Variants in PTPRD observed in about 807,000 individuals in gnomAD.
PTPRD encodes protein tyrosine phosphatase receptor type D.
PTPRD carries 34 observed loss-of-function variants against 214.5 expected under a neutral mutation model. The ratio of observed to expected loss-of-function variants is 0.16; its 90% CI spans 0.12 to 0.21. The LOEUF (loss-of-function observed/expected upper bound fraction) is 0.21, where lower values mean the gene tolerates loss of function less well. PTPRD is among the 10% of genes least tolerant of loss of function. The pLI is 1.00. For synonymous variants in PTPRD, 1,128 were observed against 845.7 expected, an observed-to-expected ratio of 1.33 and a Z score of -5.79; for missense variants, 2,545 against 2,398.7, an observed-to-expected ratio of 1.06 and a Z score of -1.27.
At chr9:8,584,591 C>G (rs960151755) in intron 14 of PTPRD, among the ~76,000 whole-genome samples, 1 of 152,296 alleles carries the variant, frequency 6.6e-6, no homozygotes, top group Non-Finnish European at 1.5e-5. Context: ...TTCATGCACT[C>G]ATGCTTTCAT....
intron 2 of PTPRD, among the ~76,000 whole-genome samples, chr9:10,572,663 GAAAT>G (rs1324295656): frequency 2.6e-5 from 4 of 152,080 alleles, no homozygotes; most frequent in African/African-American, 9.7e-5. Flanking sequence ...TTCAGAATAA[GAAAT>G]AAATCTTAGG....
rs539285038 is a variant in PTPRD at position 10,056,089 on chromosome 9, G to A, written c.-544-22299C>T. On this transcript the variant is annotated intron_variant, in intron 3 of 45. Coordinates refer to ENST00000381196, the MANE Select transcript of PTPRD (RefSeq NM_002839.4). ...TGTAATTCTAGCACTTGGGGAGGCC[G>A]AGGTGAGCGGACCATGAGGTCAGGA... 1.7e-4 allele frequency among the ~76,000 whole-genome samples: 26 copies of A among 151,908 alleles called. No homozygotes were observed. In the South Asian group the frequency reaches 3.5e-3, roughly 21 times the overall value.
Position 10,511,967 on chromosome 9 carries a change from C to A in PTPRD, c.-600+100431G>T, listed in dbSNP as rs201052982. Among the ~76,000 whole-genome samples, 644 of 110,316 alleles carry A rather than the reference C, an allele frequency of 5.8e-3. 26 individuals are homozygous for A. The highest frequency in any genetic ancestry group is 0.023 in the African/African-American group (611 of 26,298). 72.4% of individuals were successfully genotyped at this position (110,316 alleles called of 152,430 possible). On this transcript the variant is annotated intron_variant, in intron 2 of 45. Transcript: ENST00000381196. ...ATATACGTGTGTGTATATATATATACGTGTGTGTGTATATATATATACGTG... is the reference window on the plus strand; with the variant it reads ...ATATACGTGTGTGTATATATATATAAGTGTGTGTGTATATATATATACGTG...
chr9:8,996,446 A>G (rs985773573), intron 11 of PTPRD, among the ~76,000 whole-genome samples: 1 of 152,098 alleles, frequency 6.6e-6, no homozygotes, highest in Non-Finnish European at 1.5e-5. Flanking sequence ...CAAACAGAGC[A>G]GTTGTTGCCT....
chr9:9,656,600 A>C (rs2096521259), intron 7 of PTPRD, among the ~76,000 whole-genome samples: 1 of 152,188 alleles, frequency 6.6e-6, no homozygotes, highest in South Asian at 2.1e-4. Context: ...TAAAAGATCC[A>C]TGATTGCCAG....
In PTPRD at chr9:9,664,401, A is replaced by G. The variant is rs541684470; in HGVS notation, c.-287+70132T>C. ...TTAAGAATCACTTCTCTTCTCATAC[A>G]TTAACTACATTTATGAACTATGCTA... On this transcript the variant is annotated intron_variant, in intron 7 of 45. Transcript: ENST00000381196. Among the ~76,000 whole-genome samples the G allele has an allele frequency of 2.6e-5, 4 of 151,792 alleles. No homozygotes were observed. The East Asian group carries it at 5.8e-4, about 22-fold the overall frequency.
At chr9:9,933,288 G>A (rs1376684139) in intron 5 of PTPRD, among the ~76,000 whole-genome samples, 15 of 152,184 alleles carry the variant, frequency 9.9e-5, no homozygotes, top group Non-Finnish European at 1.9e-4. Context: ...CTGGCAAATT[G>A]GATAAAGAGT....
At chr9:9,117,738 G>GA (rs532808589) in intron 10 of PTPRD, among the ~76,000 whole-genome samples, 1 of 151,600 alleles carries the variant, frequency 6.6e-6, no homozygotes, top group Non-Finnish European at 1.5e-5. Flanking sequence ...AATATGCCAA[G>GA]AAAAAAAATA....
intron 7 of PTPRD, among the ~76,000 whole-genome samples, chr9:9,642,686 G>T (rs1179504984): frequency 2.0e-5 from 3 of 152,144 alleles, no homozygotes; most frequent in Admixed American, 2.0e-4. Flanking sequence ...TCAGATATGT[G>T]TTGGTTCTAA....
At chr9:9,056,148 A>G (rs1237424795) in intron 10 of PTPRD, among the ~76,000 whole-genome samples, 1 of 152,216 alleles carries the variant, frequency 6.6e-6, no homozygotes, top group Non-Finnish European at 1.5e-5. Context: ...AGTATTTAGA[A>G]CAATCTACGA....
At chr9:8,619,853 T>C (rs181229445) in intron 14 of PTPRD, among the ~76,000 whole-genome samples, 69 of 152,146 alleles carry the variant, frequency 4.5e-4, no homozygotes, top group Admixed American at 7.9e-4. Context: ...CTCGATTGTA[T>C]CCTTTGCAAG....
At chr9:9,770,676 T>C (rs1483258715) in intron 5 of PTPRD, among the ~76,000 whole-genome samples, 1 of 152,106 alleles carries the variant, frequency 6.6e-6, no homozygotes, top group Non-Finnish European at 1.5e-5. Context: ...TTAGTGATGC[T>C]GACAACATAA....
chr9:8,522,058 C>G (rs2097902384), intron 19 of PTPRD, among the ~76,000 whole-genome samples: 1 of 152,186 alleles, frequency 6.6e-6, no homozygotes, highest in Non-Finnish European at 1.5e-5. Context: ...CTAGAGTACA[C>G]TGAAAGTGCA....
intron 12 of PTPRD, among the ~76,000 whole-genome samples, chr9:8,689,627 T>C (rs2154380386): frequency 6.6e-6 from 1 of 152,244 alleles, no homozygotes; most frequent in Middle Eastern, 3.4e-3. Context: ...TGATTCAAAT[T>C]ATCTCCCATT....
At chr9:10,235,948 A>T (rs2099627547) in intron 3 of PTPRD, among the ~76,000 whole-genome samples, 1 of 151,952 alleles carries the variant, frequency 6.6e-6, no homozygotes, top group South Asian at 2.1e-4. Flanking sequence ...GTCTATAGTT[A>T]TTCTCAAATA....
intron 9 of PTPRD, among the ~76,000 whole-genome samples, chr9:9,370,982 A>T (rs2139750028): frequency 1.3e-5 from 2 of 152,222 alleles, no homozygotes; most frequent in Admixed American, 6.5e-5. Flanking sequence ...ATGGTGGATA[A>T]GTTTTTTGAT....
intron 14 of PTPRD, among the ~76,000 whole-genome samples, chr9:8,591,300 G>A (rs1235340224): frequency 1.3e-5 from 2 of 152,112 alleles, no homozygotes; most frequent in Non-Finnish European, 2.9e-5. Context: ...GGAGTGGGAT[G>A]GTCAGGGCCA....
At chr9:9,129,216 C>T (rs2099838813) in intron 10 of PTPRD, among the ~76,000 whole-genome samples, 1 of 152,102 alleles carries the variant, frequency 6.6e-6, no homozygotes, top group African/African-American at 2.4e-5. Context: ...AGGGCAAAAA[C>T]CCATCTCTAC....
chr9:8,380,301 C>T (rs576261920), intron 37 of PTPRD, among the ~76,000 whole-genome samples: 5 of 152,194 alleles, frequency 3.3e-5, no homozygotes, highest in Non-Finnish European at 2.9e-5. Flanking sequence ...CCTTGTTCTT[C>T]AAATAGGTGG....
Sources: allele counts gnomAD v4.1 joint callset (sites outside exome capture counted in the v4.1 genomes callset), GRCh38; gene constraint gnomAD v4.1.1; transcripts MANE v1.5; gene names NCBI Gene and HGNC (gene_info 2026-07-23, HGNC 2026-07-21).